The following DCAF6 variants were observed in gnomAD, a reference collection of about 807,000 sequenced individuals.
DCAF6 encodes DDB1 and CUL4 associated factor 6.
A neutral mutation model predicts 125.1 loss-of-function variants in DCAF6; 54 were observed. The ratio of observed to expected loss-of-function variants is 0.43; its 90% confidence interval spans 0.35 to 0.54. The LOEUF is 0.54. Ranked by LOEUF, DCAF6 falls within the 20% of genes least tolerant of loss-of-function variation. The pLI is 0.01. For synonymous variants in DCAF6, 371 were observed against 390.4 expected (o/e 0.95, Z 0.58); for missense variants, 934 against 1,161.7 (o/e 0.80, Z 2.85).
At chr1:167,902,088 G>A in the DCAF6 span, 4 of 1,593,184 alleles carry the variant, frequency 2.5e-6, no homozygotes, top group Non-Finnish European at 2.6e-6. Flanking sequence ...ATCAAACCCT[G>A]ATTCCTTAAA....
At chr1:167,990,561 AT>A (rs1680684573) in intron 5 of DCAF6, among the ~76,000 whole-genome samples, 1 of 152,184 alleles carries the variant, frequency 6.6e-6, no homozygotes, top group Non-Finnish European at 1.5e-5. Flanking sequence ...GATGTTCATT[AT>A]TCATGAGTAT....
intron 12 of DCAF6, among the ~76,000 whole-genome samples, chr1:168,033,161 T>C (rs772881878): frequency 1.8e-4 from 28 of 152,204 alleles, no homozygotes; most frequent in Non-Finnish European, 3.1e-4. Context: ...GTGATTCTTA[T>C]GCAAAAGACT....
At chr1:167,918,909 C>T in the DCAF6 span, among the ~76,000 whole-genome samples, 1 of 152,024 alleles carries the variant, frequency 6.6e-6, no homozygotes, top group African/African-American at 2.4e-5. Flanking sequence ...AAACTTTTAA[C>T]AGCTTAGCTG....
At chr1:168,044,858 C>T (rs923602586) in intron 15 of DCAF6, 42 bp from the exon 16 acceptor site, 8 of 1,586,452 alleles carry the variant, frequency 5.0e-6, no homozygotes, top group Non-Finnish European at 6.9e-6. Flanking sequence ...ATTAGTATTG[C>T]CCACATTACC....
Position 167,973,982 on chromosome 1 carries a change from G to C in DCAF6, c.253-848G>C, listed in dbSNP as rs533139717. ...TAAATTCCCTTCCACTGGTATTACC[G>C]TTTAGCATTCCTACCAACAGTGTTT... On this transcript the variant is annotated intron_variant, in intron 3 of 21. Transcript: ENST00000367840. Among the ~76,000 whole-genome samples the C allele has an allele frequency of 5.1e-4, 78 of 152,160 alleles. No individual in the cohort carries two copies. In the Middle Eastern group the frequency reaches 0.017, roughly 33 times the overall value.
chr1:167,998,553 T>C (rs1682104825), intron 7 of DCAF6: 2 of 166,584 alleles, frequency 1.2e-5, no homozygotes, highest in African/African-American at 2.4e-5. Flanking sequence ...GAGTCAGTCC[T>C]TTCAAACCCT....
At chr1:168,060,645 A>T (rs1691474701) in intron 17 of DCAF6, among the ~76,000 whole-genome samples, 1 of 152,200 alleles carries the variant, frequency 6.6e-6, no homozygotes, top group Non-Finnish European at 1.5e-5. Flanking sequence ...TAATCCCAGC[A>T]CTTTGGGAAG....
At chr1:168,047,463 T>A (rs1192497601) in intron 16 of DCAF6, among the ~76,000 whole-genome samples, 1 of 152,088 alleles carries the variant, frequency 6.6e-6, no homozygotes, top group Non-Finnish European at 1.5e-5. Context: ...CCCTGCTTTT[T>A]AAAAATTAAA....
intron 12 of DCAF6, among the ~76,000 whole-genome samples, chr1:168,028,170 T>C (rs1203661298): frequency 2.0e-5 from 3 of 152,162 alleles, no homozygotes; most frequent in Non-Finnish European, 4.4e-5. Context: ...CTCTCTACTA[T>C]AAGAGGAAAA....
At chr1:167,920,497 A>G in the DCAF6 span, 109 of 1,580,802 alleles carry the variant, frequency 6.9e-5, no homozygotes, top group African/African-American at 1.3e-3. Context: ...AAAGAAAACA[A>G]AAATCATTTA....
At chr1:167,959,373 C>T (rs757737989) in intron 2 of DCAF6, among the ~76,000 whole-genome samples, 15 of 152,130 alleles carry the variant, frequency 9.9e-5, no homozygotes, top group South Asian at 2.1e-4. Flanking sequence ...CATACGTTTA[C>T]GTTCGTGTGC....
intron 2 of DCAF6, among the ~76,000 whole-genome samples, chr1:167,964,027 T>G (rs1343958818): frequency 6.6e-6 from 1 of 152,232 alleles, no homozygotes; most frequent in Non-Finnish European, 1.5e-5. Context: ...TAAGCATAGA[T>G]GATCAAATAC....
the DCAF6 span, among the ~76,000 whole-genome samples, chr1:167,883,124 G>A: frequency 9.9e-5 from 15 of 152,182 alleles, no homozygotes; most frequent in African/African-American, 1.9e-4. Flanking sequence ...TGCAACCTCC[G>A]CCTCTCAGGT....
At chr1:167,999,023 A>G (rs992887789) in intron 7 of DCAF6, among the ~76,000 whole-genome samples, 2 of 152,182 alleles carry the variant, frequency 1.3e-5, no homozygotes, top group Admixed American at 1.3e-4. Flanking sequence ...AGGAATCACT[A>G]TCTGTGGCAG....
chr1:167,944,909 A>T (rs1245150451), intron 1 of DCAF6, among the ~76,000 whole-genome samples: 1 of 152,168 alleles, frequency 6.6e-6, no homozygotes, highest in African/African-American at 2.4e-5. Context: ...TTAGTGAGAG[A>T]TAAGAGTTCA....
At chr1:167,933,500 A>G (rs1284709772), upstream of DCAF6, among the ~76,000 whole-genome samples, 4 of 152,242 alleles carry the variant, frequency 2.6e-5, no homozygotes, top group Non-Finnish European at 5.9e-5. Context: ...CGAGACATAC[A>G]GTGTCAGTGA....
At position 168,023,152 on chromosome 1, in the gene DCAF6, T is replaced by G. The variant is rs1232127480; in HGVS notation, c.1609+105T>G. ...TCGTAGCATTTCATTTTGATTATGG[T>G]CTTATAGTCAGTATTTTGTGGACCA... On this transcript the variant is annotated intron_variant, in intron 12 of 21. Transcript: ENST00000367840. 64 of 1,187,990 alleles carry G rather than the reference T, an allele frequency of 5.4e-5. No individual in the cohort carries two copies. The Admixed American group carries it at 1.2e-3, about 22-fold the overall frequency. The allele number at this position is 1,187,990 out of a possible 1,614,324, so 73.6% of individuals were successfully genotyped here.
chr1:167,896,720 G>A, the DCAF6 span: 6 of 1,453,208 alleles, frequency 4.1e-6, no homozygotes, highest in African/African-American at 2.8e-5. Flanking sequence ...GAAGTTTTCA[G>A]TTATTCTGAG....
rs59674650 is a variant in DCAF6 at position 168,072,294 on chromosome 1, TAAAAAAAAAAAAAAAAAAAA to T, written c.2792-3065_2792-3046del. Among the ~76,000 whole-genome samples the T allele has an allele frequency of 3.0e-3, 124 of 41,030 alleles. 2 individuals carry two copies. The South Asian group carries it at 0.13, about 42-fold the overall frequency. The allele number at this position is 41,030 out of a possible 152,430, so 26.9% of individuals were successfully genotyped here. On this transcript the variant is annotated intron_variant, in intron 21 of 21. Transcript: ENST00000367840. ...CCTGGTGACAGAGGGAGAATCAGTC[TAAAAAAAAAAAAAAAAAAAA>T]AAAAAAAAAAAGAAAAGAAAAGTCT...
Sources: allele counts gnomAD v4.1 joint callset (sites outside exome capture counted in the v4.1 genomes callset), GRCh38; gene constraint gnomAD v4.1.1; transcripts MANE v1.5; gene names NCBI Gene and HGNC (gene_info 2026-07-23, HGNC 2026-07-21).